Variants in ADAMTS9 observed in about 807,000 individuals in gnomAD.
ADAMTS9 encodes ADAM metallopeptidase with thrombospondin type 1 motif 9.
Under a neutral mutation model 257.1 loss-of-function variants are expected in ADAMTS9, and 107 were observed. That is an observed-to-expected ratio of 0.42 (90% CI 0.36 to 0.49). ADAMTS9 has a LOEUF of 0.49. ADAMTS9 is among the 20% of genes least tolerant of loss of function. The pLI is 0.03. For synonymous variants in ADAMTS9, 982 were observed against 880.9 expected, an observed-to-expected ratio of 1.11 and a Z score of -2.03; for missense variants, 2,353 against 2,469.1, an observed-to-expected ratio of 0.95 and a Z score of 1.00.
chr3:64,552,473 T>C lies in ADAMTS9; in HGVS notation c.4699-1411A>G, dbSNP rs76278571. Among the ~76,000 whole-genome samples the C allele has an allele frequency of 1.2e-3, 187 of 152,248 alleles. 1 individual carries two copies. The East Asian group carries it at 0.013, about 11-fold the overall frequency. On this transcript the variant is annotated intron_variant, in intron 30 of 39. Coordinates refer to ENST00000498707, the MANE Select transcript of ADAMTS9 (RefSeq NM_182920.2). ...AACCTGTACCAAGGACTGCTGCAGT[T>C]TCTTAATTTAGGCCAGGGATTGAAT...
intron 12 of ADAMTS9, among the ~76,000 whole-genome samples, chr3:64,637,303 T>A (rs182225891): frequency 6.6e-6 from 1 of 152,166 alleles, no homozygotes; most frequent in Admixed American, 6.5e-5. Flanking sequence ...TAGGCAAATA[T>A]TGAAAATAAT....
chr3:64,661,130 GAACA>G (rs1701210596), intron 3 of ADAMTS9, among the ~76,000 whole-genome samples: 2 of 152,130 alleles, frequency 1.3e-5, no homozygotes, highest in South Asian at 4.1e-4. Flanking sequence ...AGTAAAATCT[GAACA>G]AACTGTCAAA....
intron 16 of ADAMTS9, among the ~76,000 whole-genome samples, chr3:64,628,685 T>C (rs1700290232): frequency 6.6e-6 from 1 of 152,202 alleles, no homozygotes; most frequent in African/African-American, 2.4e-5. Flanking sequence ...GATGTAGTGA[T>C]TGAGTAATTA....
At chr3:64,547,819 A>G (rs1305061399) in intron 31 of ADAMTS9, among the ~76,000 whole-genome samples, 1 of 151,818 alleles carries the variant, frequency 6.6e-6, no homozygotes, top group African/African-American at 2.4e-5. Context: ...AGAAATACAC[A>G]TCGTTATAGT....
intron 39 of ADAMTS9, among the ~76,000 whole-genome samples, chr3:64,518,523 T>C (rs1575969928): frequency 6.6e-6 from 1 of 152,172 alleles, no homozygotes; most frequent in African/African-American, 2.4e-5. Flanking sequence ...AGGTCAGGGA[T>C]TGCCGAACTT....
In ADAMTS9 at chr3:64,649,775, A is replaced by T; in HGVS notation, c.1467T>A (p.Thr489=). The T allele has an allele frequency of 3.1e-6, 5 of 1,612,678 alleles. No individual in the cohort carries two copies. The highest frequency in any genetic ancestry group is 4.2e-6 in the Non-Finnish European group (5 of 1,179,380). The change falls in exon 10 of 40, where the codon ACT becomes ACA. Residue 489 remains threonine (T), a synonymous_variant. Coordinates refer to ENST00000498707, the MANE Select transcript of ADAMTS9 (RefSeq NM_182920.2). ...SRKYITEFLD[T]GYGECLLNEP... ...CGTTAAGCAAACACTCGCCATAACC[A>T]GTGCTACGGAAACACACAGAAACAC...
rs756305976 is a variant in ADAMTS9, at chr3:64,621,225, T to C, written c.2702A>G (p.Lys901Arg). The change falls in exon 19 of 40, where the codon AAA becomes AGA. Residue 901 changes from lysine (K) to arginine (R), a missense_variant. This residue lies in a region of ADAMTS9 where 1,402 missense variants were observed against 1,441.4 expected (regional missense o/e 0.97). Transcript: ENST00000498707. ...SKPCQGERKR[K>R]LVCTRESDQL... is the part of the protein sequence containing the mutation. Reference sequence around the variant, plus strand: ...ATCAGATTCCCTGGTGCAAACAAGTTTTCGTTTCCGTTCCCCTAAGCAGAA... The same window carrying C: ...ATCAGATTCCCTGGTGCAAACAAGTCTTCGTTTCCGTTCCCCTAAGCAGAA... The C allele has an allele frequency of 1.2e-6, 2 of 1,613,342 alleles. No homozygotes were observed. Among genetic ancestry groups the C allele is most frequent in the South Asian group, 2.2e-5 (2 of 91,006 alleles).
intron 30 of ADAMTS9, among the ~76,000 whole-genome samples, chr3:64,555,279 G>A (rs1307427611): frequency 6.6e-6 from 1 of 152,190 alleles, no homozygotes; most frequent in East Asian, 1.9e-4. Flanking sequence ...ACAGAATTTA[G>A]ACATTTTTGC....
chr3:64,669,437 T>C (rs1701430769), intron 3 of ADAMTS9, among the ~76,000 whole-genome samples: 1 of 152,280 alleles, frequency 6.6e-6, no homozygotes, highest in East Asian at 1.9e-4. Context: ...CTGTGTTCAA[T>C]TTTGCCATTC....
chr3:64,567,295 C>T (rs940858433), intron 29 of ADAMTS9, among the ~76,000 whole-genome samples: 7 of 152,260 alleles, frequency 4.6e-5, no homozygotes, highest in South Asian at 2.1e-4. Flanking sequence ...TGCTAGAGCC[C>T]GCCAACCTTG....
chr3:64,655,753 C>T (rs774540683), intron 5 of ADAMTS9, 39 bp downstream of exon 5: 24 of 1,574,904 alleles, frequency 1.5e-5, no homozygotes, highest in African/African-American at 2.7e-5. Context: ...TATGCCATTT[C>T]GGATACAGAT....
chr3:64,586,338 A>T (rs2084152912), intron 28 of ADAMTS9, among the ~76,000 whole-genome samples: 1 of 152,156 alleles, frequency 6.6e-6, no homozygotes, highest in South Asian at 2.1e-4. Context: ...ACATTGTGTG[A>T]CAAATTAAGT....
chr3:64,679,110 C>T (rs1010253232), intron 3 of ADAMTS9, among the ~76,000 whole-genome samples: 6 of 152,234 alleles, frequency 3.9e-5, no homozygotes, highest in South Asian at 4.2e-4. Flanking sequence ...TCATTGTCTT[C>T]GAGCCTGACA....
chr3:64,672,169 C>T (rs186485612), intron 3 of ADAMTS9, among the ~76,000 whole-genome samples: 17 of 152,294 alleles, frequency 1.1e-4, no homozygotes, highest in Admixed American at 9.2e-4. Flanking sequence ...GAAAGATGTG[C>T]GTCTTAGCCA....
At chr3:64,624,819 C>A (rs1330856318) in intron 16 of ADAMTS9, among the ~76,000 whole-genome samples, 3 of 152,098 alleles carry the variant, frequency 2.0e-5, no homozygotes, top group Non-Finnish European at 4.4e-5. Flanking sequence ...TGATTAATTT[C>A]TCAAGATAAA....
At position 64,687,524 on chromosome 3, in the gene ADAMTS9, G is replaced by T; in HGVS notation, c.115+19C>A. 2.0e-6 allele frequency: 3 copies of T among 1,515,174 alleles called. No homozygotes were observed. The highest frequency in any genetic ancestry group is 2.7e-6 in the Non-Finnish European group (3 of 1,126,800). 93.9% of individuals were successfully genotyped at this position (1,515,174 alleles called of 1,614,324 possible). ...CGGCGTCGGGGCCGGCGGGGTCCCGGGGGCCGGAGCCTGGTTACCTTGCCT... is the reference window on the plus strand; with the variant it reads ...CGGCGTCGGGGCCGGCGGGGTCCCGTGGGCCGGAGCCTGGTTACCTTGCCT... On this transcript the variant is annotated intron_variant, in intron 1 of 39. Transcript: ENST00000498707. This position sits in a 1 kb window ranked among gnomAD's most constrained non-coding sequence, Gnocchi z 4.4.
chr3:64,638,291 T>A (rs9835360), intron 12 of ADAMTS9, among the ~76,000 whole-genome samples: 2 of 151,906 alleles, frequency 1.3e-5, no homozygotes, highest in South Asian at 2.1e-4. Flanking sequence ...AAGGAAGCTC[T>A]GAGCCAAATT....
At chr3:64,660,623 G>A (rs932201187) in intron 3 of ADAMTS9, among the ~76,000 whole-genome samples, 1 of 152,162 alleles carries the variant, frequency 6.6e-6, no homozygotes, top group Non-Finnish European at 1.5e-5. Context: ...ACCCCACCTT[G>A]TCACCTAGTA....
At chr3:64,565,889 T>G (rs1386410046) in intron 29 of ADAMTS9, 1 of 152,124 alleles carries the variant, frequency 6.6e-6, no homozygotes, top group Non-Finnish European at 1.5e-5. Flanking sequence ...CTTTACAAAT[T>G]CAAGATTTCA....
Sources: gnomAD v4.1 joint callset for allele counts (sites outside exome capture counted in the v4.1 genomes callset) on GRCh38, gnomAD v4.1.1 for gene constraint, gnomAD v4.1.1 regional missense constraint, Gnocchi (gnomAD v3.1) non-coding constraint, MANE v1.5 for transcripts, NCBI Gene and HGNC (gene_info 2026-07-23, HGNC 2026-07-21) for gene names.